Variants in PRDM16 observed in about 807,000 individuals in gnomAD.
PRDM16 encodes the protein PR/SET domain 16.
In PRDM16, 23 loss-of-function variants were observed where a neutral mutation model predicts 110.6. The observed-to-expected ratio is 0.21, with a 90% CI of 0.15 to 0.29. The LOEUF is 0.29. Among genes scored for constraint, PRDM16 ranks in the 10% least tolerant of loss-of-function variants. PRDM16 has a pLI of 1.00. For synonymous variants in PRDM16, 799 were observed against 781.8 expected, an observed-to-expected ratio of 1.02 and a Z score of -0.37; for missense variants, 1,615 against 1,794.3, an observed-to-expected ratio of 0.90 and a Z score of 1.81.
chr1:3,433,554 C>A (rs532472005), intron 16 of PRDM16, 123 bp from the exon 17 acceptor site: 1 of 247,500 alleles, frequency 4.0e-6, no homozygotes, highest in African/African-American at 4.0e-5. Context: ...CCTGCCCACG[C>A]GCTCACCTGC....
chr1:3,433,336 C>T (rs34315398), intron 16 of PRDM16, among the ~76,000 whole-genome samples: 5,364 of 152,386 alleles, frequency 0.035, 139 homozygotes, highest in Middle Eastern at 0.065. Flanking sequence ...CTTGTTCCTT[C>T]TGCCCCCTGT....
chr1:3,345,243 T>G (rs1462663789), intron 3 of PRDM16, among the ~76,000 whole-genome samples: 1 of 152,232 alleles, frequency 6.6e-6, no homozygotes, highest in African/African-American at 2.4e-5. Context: ...CCACCTGCTT[T>G]TTGTTATTCT....
chr1:3,342,604 A>G (rs894591155), intron 3 of PRDM16, among the ~76,000 whole-genome samples: 13 of 152,354 alleles, frequency 8.5e-5, no homozygotes, highest in Admixed American at 5.9e-4. Flanking sequence ...ACTAGAATCA[A>G]CAGAAGGCTT....
chr1:3,156,525 G>C (rs375407512), intron 1 of PRDM16, among the ~76,000 whole-genome samples: 1 of 152,164 alleles, frequency 6.6e-6, no homozygotes, highest in African/African-American at 2.4e-5. Context: ...TAGTTTGGAG[G>C]GGTTTTGTTT....
chr1:3,420,697 G>A (rs1162195351), intron 12 of PRDM16, among the ~76,000 whole-genome samples: 3 of 152,300 alleles, frequency 2.0e-5, no homozygotes, highest in African/African-American at 7.2e-5. Flanking sequence ...TGGCCTAGAG[G>A]TCTTTGAGTG....
At chr1:3,411,203 G>A (rs148999307) in intron 8 of PRDM16, among the ~76,000 whole-genome samples, 181 bp from the exon 9 acceptor site, 28 of 152,258 alleles carry the variant, frequency 1.8e-4, no homozygotes, top group African/African-American at 4.6e-4. Context: ...ACGCACACAC[G>A]CATGTATGCA....
chr1:3,298,390 G>T (rs537028291), intron 3 of PRDM16, among the ~76,000 whole-genome samples: 4 of 152,248 alleles, frequency 2.6e-5, no homozygotes, highest in South Asian at 2.1e-4. Flanking sequence ...GGGAAGCGCT[G>T]CAGGGCTGGG....
intron 2 of PRDM16, among the ~76,000 whole-genome samples, chr1:3,202,926 G>A (rs1407767001): frequency 1.3e-5 from 2 of 152,208 alleles, no homozygotes; most frequent in Non-Finnish European, 1.5e-5. Context: ...GTGCAGAGAC[G>A]AAGAACGTGG....
chr1:3,300,241 G>A (rs1232773919), intron 3 of PRDM16, among the ~76,000 whole-genome samples: 1 of 101,568 alleles, frequency 9.8e-6, no homozygotes, highest in Non-Finnish European at 2.2e-5. Context: ...CAGTCGTGGT[G>A]GCTCTGCCCT....
chr1:3,199,283 T>G lies in PRDM16; in HGVS notation c.387+12809T>G, dbSNP rs561016660. Among the ~76,000 whole-genome samples the G allele has an allele frequency of 1.1e-3, 159 of 148,518 alleles. 1 individual carries two copies. The highest frequency in any genetic ancestry group is 4.0e-3 in the African/African-American group (156 of 38,948). On this transcript the variant is annotated intron_variant, in intron 2 of 16. Transcript: ENST00000270722. ...TAGCCAGGTGTCCCCCAAAGAGCGG[T>G]GGGGGTCTCAGGGCCTGGGGCAGGG... is the stretch of plus-strand genomic sequence containing the variant.
At chr1:3,417,677 C>T (rs1011855117) in intron 10 of PRDM16, 151 bp from the exon 11 acceptor site, 1 of 721,082 alleles carries the variant, frequency 1.4e-6, no homozygotes, top group Non-Finnish European at 2.4e-6. Flanking sequence ...AAATCCAACC[C>T]AGGGTCCAAG....
At chr1:3,216,497 A>G (rs1393496565) in intron 2 of PRDM16, among the ~76,000 whole-genome samples, 2 of 152,320 alleles carry the variant, frequency 1.3e-5, no homozygotes, top group African/African-American at 4.8e-5. Flanking sequence ...ATCCCCACCC[A>G]GGTCTGGTGG....
intron 2 of PRDM16, among the ~76,000 whole-genome samples, chr1:3,233,333 T>C (rs545614745): frequency 6.6e-6 from 1 of 152,340 alleles, no homozygotes; most frequent in Admixed American, 6.5e-5. Flanking sequence ...ATCTTTCAGA[T>C]GTGAGTCGGG....
At chr1:3,307,119 T>A (rs200942205) in intron 3 of PRDM16, 1 of 152,404 alleles carries the variant, frequency 6.6e-6, no homozygotes, top group East Asian at 1.9e-4. Context: ...TTTGATGTTA[T>A]GAATCATGCT....
In PRDM16 at chr1:3,433,120, A is replaced by AG. The variant is rs1491522869; in HGVS notation, c.3697-552dup. ...CTGCTGATCACCAGGTGGAGGAAAC[A>AG]GGGGGAAGGGGTGGGAAGGAGAGGA... On this transcript the variant is annotated intron_variant, in intron 16 of 16. Coordinates refer to ENST00000270722, the MANE Select transcript of PRDM16 (RefSeq NM_022114.4). 4.0e-5 allele frequency among the ~76,000 whole-genome samples: 6 copies of AG among 151,010 alleles called. No individual in the cohort carries two copies. In the East Asian group the frequency reaches 7.7e-4, roughly 19 times the overall value.
intron 1 of PRDM16, among the ~76,000 whole-genome samples, chr1:3,091,899 T>C (rs527856993): frequency 6.6e-6 from 1 of 152,272 alleles, no homozygotes; most frequent in East Asian, 1.9e-4. Flanking sequence ...AGTTCGCAGG[T>C]GGTCAGATGC....
chr1:3,336,716 ATG>A, intron 3 of PRDM16, among the ~76,000 whole-genome samples: 1 of 150,186 alleles, frequency 6.7e-6, no homozygotes, highest in Admixed American at 6.6e-5. Context: ...ATGCATGCAC[ATG>A]TGTGTTGGTG....
At chr1:3,229,925 A>G (rs1639368661) in intron 2 of PRDM16, among the ~76,000 whole-genome samples, 1 of 152,176 alleles carries the variant, frequency 6.6e-6, no homozygotes. Flanking sequence ...GAAAGCAAGG[A>G]AAGATGGTGC....
At chr1:3,347,248 A>G (rs141807954) in intron 3 of PRDM16, among the ~76,000 whole-genome samples, 1 of 152,348 alleles carries the variant, frequency 6.6e-6, no homozygotes, top group Non-Finnish European at 1.5e-5. Context: ...GAGGGGCTCC[A>G]TCCAGCCCAG....
Sources: allele counts gnomAD v4.1 joint callset (sites outside exome capture counted in the v4.1 genomes callset), GRCh38; gene constraint gnomAD v4.1.1; transcripts MANE v1.5; gene names NCBI Gene and HGNC (gene_info 2026-07-23, HGNC 2026-07-21).